The following MET variants were observed in gnomAD, a reference collection of about 807,000 sequenced individuals.
The protein encoded by MET is hepatocyte growth factor receptor.
Under a neutral mutation model 133.1 loss-of-function variants are expected in MET, and 48 were observed. That is an observed-to-expected ratio of 0.36 (90% CI 0.29 to 0.46). MET has a LOEUF of 0.46. Among genes scored for constraint, MET ranks in the 20% least tolerant of loss-of-function variants. The probability of loss-of-function intolerance (pLI) is 1.00; values close to 1 mark genes in which losing one functional copy is unlikely to be tolerated. For synonymous variants in MET, 628 were observed against 616.5 expected, an observed-to-expected ratio of 1.02 and a Z score of -0.28; for missense variants, 1,442 against 1,695.9, an observed-to-expected ratio of 0.85 and a Z score of 2.63.
chr7:116,745,983 G>A lies in MET; in HGVS notation c.1701+4958G>A, dbSNP rs538507410. On this transcript the variant is annotated intron_variant, in intron 5 of 20. Coordinates refer to ENST00000397752, the MANE Select transcript of MET (RefSeq NM_000245.4). The stretch of plus-strand genomic sequence containing the variant: ...CACAGCAAAAGAAACTACCATCAGA[G>A]TGAACAGGCAACCTACAGAATGGGA... Among the ~76,000 whole-genome samples, 61 of 152,270 alleles carry A rather than the reference G, an allele frequency of 4.0e-4. No homozygotes were observed. The East Asian group carries it at 0.01, about 25-fold the overall frequency.
chr7:116,726,702 C>T (rs887165629), intron 2 of MET, among the ~76,000 whole-genome samples: 6 of 152,128 alleles, frequency 3.9e-5, no homozygotes, highest in Non-Finnish European at 5.9e-5. Context: ...TAGATTGTCA[C>T]CTTGCCTTAC....
chr7:116,740,220 T>C, intron 4 of MET, 136 bp downstream of exon 4: 2 of 959,094 alleles, frequency 2.1e-6, no homozygotes, highest in Non-Finnish European at 1.7e-6. Flanking sequence ...CTTTAGTGAG[T>C]ATTCCAGAGA....
intron 2 of MET, among the ~76,000 whole-genome samples, chr7:116,722,801 A>T (rs1792550460): frequency 1.3e-5 from 2 of 152,110 alleles, no homozygotes; most frequent in Admixed American, 6.5e-5. Flanking sequence ...AGAATATGGA[A>T]TATTGGCCCC....
intron 1 of MET, among the ~76,000 whole-genome samples, chr7:116,683,606 A>G (rs560970209): frequency 3.9e-4 from 60 of 152,256 alleles, no homozygotes; most frequent in Non-Finnish European, 7.2e-4. Flanking sequence ...CAGTTTCTCT[A>G]CTTTCTTCAT....
rs745423991 is a variant in MET at position 116,700,088 on chromosome 7, C to A, written c.1004C>A (p.Ala335Asp). The change falls in exon 2 of 21, where the codon GCC becomes GAC. Residue 335 changes from alanine (A) to aspartate (D), a missense_variant. Around this residue, in one of 6 missense-constraint regions of MET, gnomAD observed 762 missense variants for 792.4 expected, o/e 0.96. Transcript: ENST00000397752. ...PGAQLARQIG[A>D]SLNDDILFGV... ...GCCCAGCTTGCTAGACAAATAGGAG[C>A]CAGCCTGAATGATGACATTCTTTTC... 1 of 1,611,914 alleles carries A rather than the reference C, an allele frequency of 6.2e-7. No individual in the cohort carries two copies. The highest frequency in any genetic ancestry group is 8.5e-7 in the Non-Finnish European group (1 of 1,179,244).
At chr7:116,688,385 T>A (rs1020652423) in intron 1 of MET, among the ~76,000 whole-genome samples, 1 of 152,176 alleles carries the variant, frequency 6.6e-6, no homozygotes, top group Non-Finnish European at 1.5e-5. Flanking sequence ...GGCTGAAAAA[T>A]ACGAAAACAA....
rs2116995681 is a variant in MET at position 116,771,840 on chromosome 7, T to C, written c.2888-9T>C. 6.2e-7 allele frequency: 1 copy of C among 1,613,790 alleles called. No individual in the cohort carries two copies. Among genetic ancestry groups the C allele is most frequent in the East Asian group, 2.2e-5 (1 of 44,860 alleles). On this transcript the variant is annotated splice_polypyrimidine_tract_variant and intron_variant, in intron 13 of 20. Coordinates refer to ENST00000397752, the MANE Select transcript of MET (RefSeq NM_000245.4). The stretch of plus-strand genomic sequence containing the variant: ...CTTTAACAAGCTCTTTCTTTCTCTC[T>C]GTTTTAAGATCTGGGCAGTGAATTA...
At chr7:116,678,325 C>A (rs868108321) in intron 1 of MET, among the ~76,000 whole-genome samples, 2 of 152,208 alleles carry the variant, frequency 1.3e-5, no homozygotes, top group Middle Eastern at 6.8e-3. Flanking sequence ...ATACAGTATA[C>A]ATATTAAGAT....
At chr7:116,750,921 A>G (rs995443711) in intron 5 of MET, among the ~76,000 whole-genome samples, 1 of 152,202 alleles carries the variant, frequency 6.6e-6, no homozygotes, top group African/African-American at 2.4e-5. Flanking sequence ...TCAGGAAACA[A>G]TATGTGCTGG....
At chr7:116,724,637 C>T (rs1792665860) in intron 2 of MET, 1 of 433,276 alleles carries the variant, frequency 2.3e-6, no homozygotes, top group Admixed American at 2.5e-5. Flanking sequence ...ATGATTTGTT[C>T]TGACAGCAGA....
At chr7:116,741,163 T>A in intron 5 of MET, 138 bp downstream of exon 5, 1 of 974,954 alleles carries the variant, frequency 1.0e-6, no homozygotes, top group Non-Finnish European at 1.5e-6. Context: ...TTTACTCATT[T>A]AGCTGTGAGT....
At chr7:116,773,238 G>A (rs1041926507) in intron 14 of MET, among the ~76,000 whole-genome samples, 2 of 152,120 alleles carry the variant, frequency 1.3e-5, no homozygotes, top group African/African-American at 4.8e-5. Flanking sequence ...GAGAAAATAG[G>A]TGCACAGCCA....
chr7:116,680,544 G>A (rs1796313461), intron 1 of MET, among the ~76,000 whole-genome samples: 1 of 152,092 alleles, frequency 6.6e-6, no homozygotes, highest in African/African-American at 2.4e-5. Flanking sequence ...AAGGTGGGCG[G>A]GATATGCTGA....
At chr7:116,782,507 A>G (rs1203165307) in intron 18 of MET, among the ~76,000 whole-genome samples, 1 of 152,234 alleles carries the variant, frequency 6.6e-6, no homozygotes, top group Non-Finnish European at 1.5e-5. Context: ...CAGCCTGCAG[A>G]AGCCCTACCA....
chr7:116,686,502 T>C (rs552831805), intron 1 of MET, among the ~76,000 whole-genome samples: 3 of 152,172 alleles, frequency 2.0e-5, no homozygotes, highest in Non-Finnish European at 2.9e-5. Flanking sequence ...CATCAGCTTG[T>C]TATGGGTATT....
At chr7:116,723,548 G>A (rs1792588822) in intron 2 of MET, among the ~76,000 whole-genome samples, 1 of 152,184 alleles carries the variant, frequency 6.6e-6, no homozygotes. Context: ...TTTGGAGGAG[G>A]AGAGGCGCTC....
intron 19 of MET, among the ~76,000 whole-genome samples, chr7:116,794,590 T>C (rs1795614110): frequency 1.3e-5 from 2 of 152,240 alleles, no homozygotes; most frequent in Non-Finnish European, 2.9e-5. Context: ...TTCTCCTTCT[T>C]GCTGGGTACT....
At position 116,758,605 on chromosome 7, in the gene MET, C is replaced by A. The variant is rs780766198; in HGVS notation, c.2249C>A (p.Thr750Asn). The A allele has an allele frequency of 6.2e-7, 1 of 1,613,592 alleles. No individual in the cohort carries two copies. Among genetic ancestry groups the A allele is most frequent in the East Asian group, 2.2e-5 (1 of 44,824 alleles). The change falls in exon 9 of 21, where the codon ACC becomes AAC. Residue 750 changes from threonine to asparagine, a missense_variant. Coordinates refer to ENST00000397752, the MANE Select transcript of MET (RefSeq NM_000245.4). ...EDPIVYEIHP[T>N]KSFISGGSTI... The stretch of plus-strand genomic sequence containing the variant: ...CCCATTGTCTATGAAATTCATCCAA[C>A]CAAATCTTTTATTAGGTAAGTAGAA...
At chr7:116,691,114 C>A (rs1290743233) in intron 1 of MET, among the ~76,000 whole-genome samples, 1 of 152,148 alleles carries the variant, frequency 6.6e-6, no homozygotes, top group Non-Finnish European at 1.5e-5. Flanking sequence ...GGGGCCTCAG[C>A]CATATTCCAT....
Sources: allele counts gnomAD v4.1 joint callset (sites outside exome capture counted in the v4.1 genomes callset), GRCh38; gene constraint gnomAD v4.1.1; regional missense constraint gnomAD v4.1.1; transcripts MANE v1.5; gene names NCBI Gene and HGNC (gene_info 2026-07-23, HGNC 2026-07-21).